The following ANKRD36B variants were observed in gnomAD, a reference collection of about 807,000 sequenced individuals.
ANKRD36B encodes the protein ankyrin repeat domain 36B, also known as ankyrin repeat domain-containing protein 36B.
Under a neutral mutation model 135.7 loss-of-function variants are expected in ANKRD36B, and 37 were observed. That is an observed-to-expected ratio of 0.27 (90% CI 0.21 to 0.36). ANKRD36B has a LOEUF of 0.36. Ranked by LOEUF, ANKRD36B falls within the 10% of genes least tolerant of loss-of-function variation. The pLI is 1.00. For synonymous variants in ANKRD36B, 179 were observed against 348.1 expected, an observed-to-expected ratio of 0.51 and a Z score of 5.41; for missense variants, 549 against 1,037.1, an observed-to-expected ratio of 0.53 and a Z score of 6.46.
intron 43 of ANKRD36B, among the ~76,000 whole-genome samples, chr2:97,494,703 C>T (rs1435098876): frequency 7.5e-5 from 7 of 93,468 alleles, no homozygotes; most frequent in African/African-American, 2.0e-4. Context: ...CCTGGATTCA[C>T]CTTATTTGGT....
At chr2:97,559,607 A>C (rs914199906) in intron 8 of ANKRD36B, among the ~76,000 whole-genome samples, 7 of 151,966 alleles carry the variant, frequency 4.6e-5, no homozygotes, top group African/African-American at 1.7e-4. Context: ...TGTATCCACT[A>C]GTTTAGCTTT....
intron 3 of ANKRD36B, among the ~76,000 whole-genome samples, chr2:97,581,856 G>A (rs2104305423): frequency 6.6e-6 from 1 of 152,184 alleles, no homozygotes; most frequent in South Asian, 2.1e-4. Context: ...AGGCTGGAGT[G>A]CAGTGGTGCC....
Position 97,528,243 on chromosome 2 carries a change from A to G in ANKRD36B, c.2265+4068T>C, listed in dbSNP as rs1233174212. 4.2e-5 allele frequency among the ~76,000 whole-genome samples: 4 copies of G among 96,354 alleles called. 1 individual carries two copies. The highest frequency in any genetic ancestry group is 1.2e-4 in the African/African-American group (4 of 32,060). 63.2% of individuals were successfully genotyped at this position (96,354 alleles called of 152,430 possible). A position where few individuals can be genotyped will look rare whatever the true frequency, so the allele number is the denominator to read the frequency against. ...GCAATCAAACTAGAACTCAGGATTA[A>G]GAAACTCACTAAAAACCGCTCAACT... On this transcript the variant is annotated intron_variant, in intron 35 of 43. Transcript: ENST00000359901.
chr2:97,589,572 G>A lies in ANKRD36B; in HGVS notation c.114C>T (p.Tyr38=), dbSNP rs1381270318. The A allele has an allele frequency of 6.2e-7, 1 of 1,612,480 alleles. No homozygotes were observed. The highest frequency in any genetic ancestry group is 8.5e-7 in the Non-Finnish European group (1 of 1,179,200). The part of the protein sequence containing the change: ...VLRGNLEKLK[Y]LLLTYYDANK... Reference sequence around the variant, plus strand: ...TGGCGTCATAATACGTGAGCAGAAGGTACTTCAGTTTCTCCAGATTACCAC... The same window carrying A: ...TGGCGTCATAATACGTGAGCAGAAGATACTTCAGTTTCTCCAGATTACCAC... Residue 38 remains tyrosine, a synonymous_variant, in exon 1 of 44, where the codon TAC becomes TAT. Coordinates refer to ENST00000359901, the MANE Select transcript of ANKRD36B (RefSeq NM_001393939.1).
chr2:97,559,990 A>T (rs1362327021), intron 8 of ANKRD36B, among the ~76,000 whole-genome samples: 1 of 151,878 alleles, frequency 6.6e-6, no homozygotes, highest in African/African-American at 2.4e-5. Context: ...CTGATGCCTA[A>T]TAGTAACAAA....
At chr2:97,550,426 C>G (rs1221646557) in intron 18 of ANKRD36B, among the ~76,000 whole-genome samples, 2 of 151,828 alleles carry the variant, frequency 1.3e-5, no homozygotes, top group Non-Finnish European at 2.9e-5. Flanking sequence ...CACTCTAGGA[C>G]TTAATTAGAA....
chr2:97,551,247 A>G (rs756671342), intron 18 of ANKRD36B, 42 bp downstream of exon 18: 136 of 1,537,102 alleles, frequency 8.8e-5, no homozygotes, highest in Non-Finnish European at 1.1e-4. Context: ...AGAACTTCTT[A>G]TCTGGACTGA....
At chr2:97,574,105 T>C (rs972248665) in intron 6 of ANKRD36B, among the ~76,000 whole-genome samples, 2 of 152,092 alleles carry the variant, frequency 1.3e-5, no homozygotes, top group Non-Finnish European at 2.9e-5. Flanking sequence ...ACAGGCAACC[T>C]ACGGAATGGG....
At chr2:97,559,860 T>C (rs989864117) in intron 8 of ANKRD36B, among the ~76,000 whole-genome samples, 5 of 151,932 alleles carry the variant, frequency 3.3e-5, no homozygotes, top group Admixed American at 3.3e-4. Flanking sequence ...TGTTAGTCTC[T>C]AAGGAAGTTT....
chr2:97,545,802 T>A (rs1332535271), intron 23 of ANKRD36B, 31 bp downstream of exon 23: 1 of 961,348 alleles, frequency 1.0e-6, no homozygotes, highest in South Asian at 1.2e-5. Flanking sequence ...ATACAGTTAA[T>A]AGTTCAAAAT....
At chr2:97,555,830 C>T (rs1330124649) in intron 12 of ANKRD36B, among the ~76,000 whole-genome samples, 2 of 151,688 alleles carry the variant, frequency 1.3e-5, no homozygotes, top group Non-Finnish European at 2.9e-5. Flanking sequence ...TTTATAATAC[C>T]CATGTGGTGT....
intron 21 of ANKRD36B, 21 bp downstream of exon 21, chr2:97,547,682 T>C (rs780370178): frequency 1.9e-6 from 3 of 1,557,188 alleles, no homozygotes; most frequent in Admixed American, 1.9e-5. Context: ...TAGTTCACAA[T>C]ATAAATGACA....
chr2:97,526,678 C>A (rs1248642223), intron 35 of ANKRD36B, among the ~76,000 whole-genome samples: 1 of 95,624 alleles, frequency 1.0e-5, no homozygotes. Flanking sequence ...TGAATGTATA[C>A]CTAGAATAAC....
chr2:97,560,655 G>C lies in ANKRD36B; in HGVS notation c.865+10C>G. ...TTGAACATGACATTAGATGTGTTTT[G>C]CAAAATTACCTGTCCCAGATATAGG... On this transcript the variant is annotated intron_variant, in intron 8 of 43. Transcript: ENST00000359901. The C allele has an allele frequency of 6.2e-7, 1 of 1,601,442 alleles. No homozygotes were observed. Among genetic ancestry groups the C allele is most frequent in the East Asian group, 2.2e-5 (1 of 44,794 alleles).
At chr2:97,585,435 G>A in intron 1 of ANKRD36B, 37 bp from the exon 2 acceptor site, 1 of 1,544,794 alleles carries the variant, frequency 6.5e-7, no homozygotes, top group Non-Finnish European at 8.7e-7. Flanking sequence ...ACATGTAACT[G>A]TAAGCATTAA....
rs1435823891 is a variant in ANKRD36B at position 97,529,524 on chromosome 2, A to G, written c.2265+2787T>C. ...AGGGATGCCCTCTCTCACCACTCCT[A>G]TTCAACATAGTGTTGGAAGTTCTGG... On this transcript the variant is annotated intron_variant, in intron 35 of 43. Transcript: ENST00000359901. Among the ~76,000 whole-genome samples, 2 of 94,618 alleles carry G rather than the reference A, an allele frequency of 2.1e-5. 1 individual carries two copies. Among genetic ancestry groups the G allele is most frequent in the Non-Finnish European group, 5.6e-5 (2 of 35,814 alleles). 62.1% of individuals were successfully genotyped at this position (94,618 alleles called of 152,430 possible).
At chr2:97,526,096 GCCT>G (rs2078190963) in intron 35 of ANKRD36B, among the ~76,000 whole-genome samples, 1 of 97,602 alleles carries the variant, frequency 1.0e-5, no homozygotes, top group East Asian at 2.3e-4. Context: ...TGGGCAGACT[GCCT>G]CCTCAAGTGG....
In ANKRD36B at chr2:97,524,628, A is replaced by G. The variant is rs192809632; in HGVS notation, c.2266-1161T>C. ...GACATGCCAGATGCATCACTTTCCT[A>G]ACAATCAGGTGAATCATTTGTCAAA... On this transcript the variant is annotated intron_variant, in intron 35 of 43. Coordinates refer to ENST00000359901, the MANE Select transcript of ANKRD36B (RefSeq NM_001393939.1). 6.2e-5 allele frequency: 6 copies of G among 96,462 alleles called. 1 individual carries two copies. The highest frequency in any genetic ancestry group is 1.1e-4 in the Non-Finnish European group (4 of 36,278). 6.0% of individuals were successfully genotyped at this position (96,462 alleles called of 1,614,324 possible).
At chr2:97,567,722 C>A (rs930855487) in intron 6 of ANKRD36B, among the ~76,000 whole-genome samples, 1 of 152,162 alleles carries the variant, frequency 6.6e-6, no homozygotes, top group African/African-American at 2.4e-5. Flanking sequence ...TGAGCCCTTA[C>A]ATCCCAGTCT....
Sources: gnomAD v4.1 joint callset for allele counts (sites outside exome capture counted in the v4.1 genomes callset) on GRCh38, gnomAD v4.1.1 for gene constraint, MANE v1.5 for transcripts, NCBI Gene and HGNC (gene_info 2026-07-23, HGNC 2026-07-21) for gene names.